ZNF423: variants seen among roughly 807,000 people sequenced by gnomAD.
The protein encoded by ZNF423 is zinc finger protein 423, also known as Ebf-associated zinc finger protein.
ZNF423 carries 12 observed loss-of-function variants against 95.8 expected under a neutral mutation model. That is an observed-to-expected ratio of 0.13 (90% CI 0.08 to 0.20). The LOEUF (loss-of-function observed/expected upper bound fraction) is 0.20, where lower values mean the gene tolerates loss of function less well. Among genes scored for constraint, ZNF423 ranks in the 10% least tolerant of loss-of-function variants. The pLI is 1.00. For synonymous variants in ZNF423, 749 were observed against 711.9 expected (o/e 1.05, Z -0.83); for missense variants, 1,316 against 1,737.1 (o/e 0.76, Z 4.31).
chr16:49,696,633 G>C (rs1315582363), intron 3 of ZNF423, among the ~76,000 whole-genome samples: 1 of 152,166 alleles, frequency 6.6e-6, no homozygotes, highest in Non-Finnish European at 1.5e-5. Flanking sequence ...CAGAGGCTGT[G>C]ACGGCACCTA....
At chr16:49,735,958 G>A (rs1415733282) in intron 2 of ZNF423, among the ~76,000 whole-genome samples, 2 of 152,198 alleles carry the variant, frequency 1.3e-5, no homozygotes, top group African/African-American at 4.8e-5. Context: ...TTTTGGGATG[G>A]TTTGTTACGT....
chr16:49,652,354 A>G (rs1281523878), intron 3 of ZNF423, among the ~76,000 whole-genome samples: 13 of 68,778 alleles, frequency 1.9e-4, no homozygotes, highest in East Asian at 1.0e-3. Flanking sequence ...AGGAAAGGGG[A>G]AAAAAAAAAA....
At chr16:49,788,247 G>A (rs1465950895) in intron 2 of ZNF423, among the ~76,000 whole-genome samples, 1 of 152,204 alleles carries the variant, frequency 6.6e-6, no homozygotes, top group Non-Finnish European at 1.5e-5. Context: ...AGACTCTGCA[G>A]GCAGCATTAG....
chr16:49,787,764 T>C (rs1046503566), intron 2 of ZNF423, among the ~76,000 whole-genome samples: 1 of 152,146 alleles, frequency 6.6e-6, no homozygotes, highest in Non-Finnish European at 1.5e-5. Context: ...ACGCCACTGC[T>C]GTTCCCATCT....
chr16:49,757,349 C>T (rs2033746230), intron 2 of ZNF423, among the ~76,000 whole-genome samples: 1 of 152,190 alleles, frequency 6.6e-6, no homozygotes, highest in Non-Finnish European at 1.5e-5. Context: ...AGGGAGCCTT[C>T]AGTAATGAGT....
intron 5 of ZNF423, among the ~76,000 whole-genome samples, chr16:49,543,444 C>G (rs1231960605): frequency 2.0e-5 from 3 of 152,200 alleles, no homozygotes; most frequent in Non-Finnish European, 4.4e-5. Context: ...AGGCTCAATT[C>G]AGCGCTCCAG....
chr16:49,753,762 G>A (rs967412207), intron 2 of ZNF423, among the ~76,000 whole-genome samples: 3 of 152,222 alleles, frequency 2.0e-5, no homozygotes, highest in Admixed American at 2.0e-4. Context: ...TGGGCATGGT[G>A]GTTCATGCCT....
chr16:49,707,650 C>A, intron 3 of ZNF423, among the ~76,000 whole-genome samples: 1 of 150,030 alleles, frequency 6.7e-6, no homozygotes, highest in African/African-American at 2.4e-5. Context: ...ACTTTCCCTA[C>A]TCATAATTCA....
At chr16:49,677,226 GAAA>G (rs1386233856) in intron 3 of ZNF423, among the ~76,000 whole-genome samples, 1 of 125,508 alleles carries the variant, frequency 8.0e-6, no homozygotes, top group African/African-American at 3.1e-5. Context: ...ATAGAAACAA[GAAA>G]AGAGAAGAGA....
intron 3 of ZNF423, among the ~76,000 whole-genome samples, chr16:49,680,479 G>T (rs2031303747): frequency 6.6e-6 from 1 of 152,238 alleles, no homozygotes; most frequent in Non-Finnish European, 1.5e-5. Flanking sequence ...GCAATGAGAA[G>T]GACAGAAGAG....
intron 2 of ZNF423, among the ~76,000 whole-genome samples, chr16:49,742,716 C>T (rs1370193615): frequency 6.6e-6 from 1 of 152,094 alleles, no homozygotes; most frequent in Non-Finnish European, 1.5e-5. Context: ...AGTGCTAGTG[C>T]CTGACACTCC....
chr16:49,491,384 G>A lies in ZNF423; in HGVS notation c.3850-80C>T, dbSNP rs938345608. On this transcript the variant is annotated intron_variant, in intron 7 of 7. Transcript: ENST00000563137. ...CGTCCCTCCCACTCAGTGCATTTAC[G>A]CCGGGAGCCGCAGAAAAGCGTCTCG... 7.8e-6 allele frequency: 12 copies of A among 1,545,888 alleles called. No individual in the cohort carries two copies. In the African/African-American group the frequency reaches 8.2e-5, roughly 11 times the overall value.
At position 49,637,107 on chromosome 16, in the gene ZNF423, G is replaced by C. The variant is rs139987136; in HGVS notation, c.2069C>G (p.Thr690Arg). 1 of 1,613,630 alleles carries C rather than the reference G, an allele frequency of 6.2e-7. No individual in the cohort carries two copies. The change falls in exon 4 of 8, where the codon ACA (threonine) becomes AGA (arginine). Residue 690 changes from threonine to arginine, a missense_variant. By Grantham distance (71) the Thr-to-Arg change is moderately conservative. Around this residue, in one of 6 missense-constraint regions of ZNF423, gnomAD observed 620 missense variants for 775.6 expected, o/e 0.80. Coordinates refer to ENST00000563137, the MANE Select transcript of ZNF423 (RefSeq NM_001379286.1). The surrounding 1 kb of genome is among the most constrained non-coding windows in gnomAD (Gnocchi z 5.6). ...GGTCGACGTGGTCATGTAATGCACTGTCAGGTGCTGCAGGAGGGACTCCTG... is the reference window on the plus strand; with the variant it reads ...GGTCGACGTGGTCATGTAATGCACTCTCAGGTGCTGCAGGAGGGACTCCTG... The part of the protein sequence containing the change: ...DSQESLLQHL[T>R]VHYMTTSTHY...
chr16:49,534,675 T>C (rs569426918), intron 5 of ZNF423, among the ~76,000 whole-genome samples: 2 of 152,330 alleles, frequency 1.3e-5, no homozygotes, highest in East Asian at 1.9e-4. Flanking sequence ...TTTCAGGGCA[T>C]ATGGCCAGCC....
At chr16:49,858,723 C>CCT (rs1555491193), upstream of ZNF423, among the ~76,000 whole-genome samples, 1 of 137,136 alleles carries the variant, frequency 7.3e-6, no homozygotes. The surrounding 1 kb of genome is among the most constrained non-coding windows in gnomAD (Gnocchi z 4.3). Context: ...AGGAGCCCCC[C>CCT]CCCCCACGCC....
intron 5 of ZNF423, among the ~76,000 whole-genome samples, chr16:49,593,325 C>T (rs938518818): frequency 7.9e-5 from 12 of 151,998 alleles, no homozygotes; most frequent in African/African-American, 2.9e-4. Context: ...GTCCCAGCTA[C>T]TCAGGAGGCT....
intron 2 of ZNF423, 92 bp downstream of exon 2, chr16:49,789,395 A>G (rs1019360538): frequency 7.7e-7 from 1 of 1,292,006 alleles, no homozygotes; most frequent in Non-Finnish European, 1.1e-6. Context: ...CACGAAGAAT[A>G]TCATTTCCAT....
chr16:49,853,912 G>C, intron 1 of ZNF423: 2 of 985,360 alleles, frequency 2.0e-6, no homozygotes, highest in Non-Finnish European at 1.2e-6. Flanking sequence ...AAAATCAACT[G>C]CCTGAGTTAA....
chr16:49,625,313 A>G (rs1972222755), intron 5 of ZNF423, among the ~76,000 whole-genome samples: 1 of 152,220 alleles, frequency 6.6e-6, no homozygotes, highest in South Asian at 2.1e-4. Flanking sequence ...AGATTGCACC[A>G]CTGCACTCCA....
Sources: gnomAD v4.1 joint callset for allele counts (sites outside exome capture counted in the v4.1 genomes callset) on GRCh38, gnomAD v4.1.1 for gene constraint, gnomAD v4.1.1 regional missense constraint, Gnocchi (gnomAD v3.1) non-coding constraint, MANE v1.5 for transcripts, NCBI Gene and HGNC (gene_info 2026-07-23, HGNC 2026-07-21) for gene names.